MTA3: variants seen among roughly 807,000 people sequenced by gnomAD.
The protein encoded by MTA3 is metastasis associated 1 family member 3.
Under a neutral mutation model 83.5 loss-of-function variants are expected in MTA3, and 34 were observed. That is an observed-to-expected ratio of 0.41 (90% CI 0.31 to 0.54). The LOEUF (loss-of-function observed/expected upper bound fraction) is 0.54. Ranked by LOEUF, MTA3 falls within the 20% of genes least tolerant of loss-of-function variation. The pLI, the probability that MTA3 is intolerant of heterozygous loss-of-function variation, is 0.33. For missense variants in MTA3, 761 were observed against 726.4 expected (o/e 1.05, Z -0.55); for synonymous variants, 303 against 252.7 (o/e 1.20, Z -1.89).
At chr2:42,600,153 G>T (rs1489607479) in intron 3 of MTA3, among the ~76,000 whole-genome samples, 1 of 152,068 alleles carries the variant, frequency 6.6e-6, no homozygotes, top group Non-Finnish European at 1.5e-5. Flanking sequence ...AGCCAAGGTC[G>T]CGCCACTGCA....
chr2:42,621,064 C>G (rs571228779), intron 4 of MTA3, among the ~76,000 whole-genome samples: 31 of 133,904 alleles, frequency 2.3e-4, no homozygotes, highest in African/African-American at 8.2e-4. Flanking sequence ...AGTTATACCT[C>G]AGTAAAGCTA....
chr2:42,754,303 C>G lies in MTA3; in HGVS notation c.*904C>G. On this transcript the variant is annotated 3_prime_UTR_variant, in exon 17 of 17. Coordinates refer to ENST00000405094, the MANE Select transcript of MTA3 (RefSeq NM_001330442.2). ...TAGTTTCATTTTAAGCAGACAGACTCTGTTTGGCCTAGAGGTGTGGAGTGA... is the reference window on the plus strand; with the variant it reads ...TAGTTTCATTTTAAGCAGACAGACTGTGTTTGGCCTAGAGGTGTGGAGTGA... 4 of 985,480 alleles carry G rather than the reference C, an allele frequency of 4.1e-6. No homozygotes were observed. Among genetic ancestry groups the G allele is most frequent in the Non-Finnish European group, 4.8e-6 (4 of 829,962 alleles). The allele number at this position is 985,480 out of a possible 1,614,324, so 61.0% of individuals were successfully genotyped here.
intron 2 of MTA3, among the ~76,000 whole-genome samples, chr2:42,535,254 G>A (rs1676173969): frequency 6.6e-6 from 1 of 152,080 alleles, no homozygotes; most frequent in South Asian, 2.1e-4. Context: ...AGGCATGGTG[G>A]CACATGCCTG....
intron 16 of MTA3, among the ~76,000 whole-genome samples, chr2:42,748,296 C>T (rs1458124769): frequency 2.6e-5 from 4 of 151,352 alleles, no homozygotes; most frequent in African/African-American, 7.3e-5. Context: ...CATCTCCTGA[C>T]CTCATGATCC....
At chr2:42,568,810 C>A (rs746765651) in intron 1 of MTA3, 37 bp downstream of exon 1, 2 of 1,214,444 alleles carry the variant, frequency 1.6e-6, no homozygotes, top group South Asian at 8.3e-5. Context: ...CGTGTGGGAG[C>A]GGGTTCCGGG....
intron 2 of MTA3, among the ~76,000 whole-genome samples, chr2:42,548,860 A>T (rs867258626): frequency 0.038 from 234 of 6,228 alleles, 17 homozygotes; most frequent in African/African-American, 0.14. Context: ...TATATATATA[A>T]TATATATATA....
intron 2 of MTA3, among the ~76,000 whole-genome samples, chr2:42,504,165 G>C (rs1183230238): frequency 6.6e-6 from 1 of 152,024 alleles, no homozygotes; most frequent in Non-Finnish European, 1.5e-5. Context: ...CCTAACCTCA[G>C]GTGATCCATC....
chr2:42,681,279 A>T (rs1691878058), intron 8 of MTA3, among the ~76,000 whole-genome samples: 1 of 152,160 alleles, frequency 6.6e-6, no homozygotes, highest in Non-Finnish European at 1.5e-5. Context: ...TATTAAGATG[A>T]ATATGTAATT....
intron 3 of MTA3, among the ~76,000 whole-genome samples, chr2:42,594,699 A>AATATATATATATATATAT (rs1681490940): frequency 1.3e-5 from 1 of 74,546 alleles, no homozygotes; most frequent in South Asian, 6.7e-4. Context: ...TACATATATA[A>AATATATATATATATATAT]ATATACATAT....
intron 2 of MTA3, among the ~76,000 whole-genome samples, chr2:42,514,024 G>C (rs1471711194): frequency 6.6e-6 from 1 of 152,164 alleles, no homozygotes; most frequent in Non-Finnish European, 1.5e-5. Context: ...GACCAGCCTG[G>C]CCAACATAGT....
In MTA3 at chr2:42,606,249, C is replaced by T. The variant is rs555501747; in HGVS notation, c.191-3209C>T. ...GGGGTGGCTGCCGGGCGGAGACTCTCCTCACTTCCCAGATGGGGTGGCTGC... is the reference window on the plus strand; with the variant it reads ...GGGGTGGCTGCCGGGCGGAGACTCTTCTCACTTCCCAGATGGGGTGGCTGC... On this transcript the variant is annotated intron_variant, in intron 3 of 16. Coordinates refer to ENST00000405094, the MANE Select transcript of MTA3 (RefSeq NM_001330442.2). Among the ~76,000 whole-genome samples, 11 of 149,240 alleles carry T rather than the reference C, an allele frequency of 7.4e-5. No homozygotes were observed. The South Asian group carries it at 2.1e-3, about 29-fold the overall frequency.
In MTA3 at chr2:42,755,047, T is replaced by C. The variant is rs1163365957; in HGVS notation, c.*1648T>C. 1.0e-6 allele frequency: 1 copy of C among 985,450 alleles called. No individual in the cohort carries two copies. The highest frequency in any genetic ancestry group is 1.2e-6 in the Non-Finnish European group (1 of 830,088). 61.0% of individuals were successfully genotyped at this position (985,450 alleles called of 1,614,324 possible). A position where few individuals can be genotyped will look rare whatever the true frequency, so the allele number is the denominator to read the frequency against. On this transcript the variant is annotated 3_prime_UTR_variant, in exon 17 of 17. Coordinates refer to ENST00000405094, the MANE Select transcript of MTA3 (RefSeq NM_001330442.2). ...GGGTGGGGCCTGTGTCAGAAGCATT[T>C]GGTGAGAGGGGTGGAGGTGGCAGGC...
intron 13 of MTA3, among the ~76,000 whole-genome samples, chr2:42,708,584 A>C (rs774736891): frequency 1.2e-4 from 18 of 151,872 alleles, no homozygotes; most frequent in Non-Finnish European, 2.4e-4. Context: ...TCCTTAATTT[A>C]AAAAAAAGTG....
Position 42,656,205 on chromosome 2 carries a change from T to C in MTA3, c.505T>C (p.Ser169Pro). The C allele has an allele frequency of 6.2e-7, 1 of 1,612,378 alleles. No individual in the cohort carries two copies. The highest frequency in any genetic ancestry group is 8.5e-7 in the Non-Finnish European group (1 of 1,178,672). ...TTTTATTTATTTTTGGACAGGAGAA[T>C]CAGATGAGAGGGAACAATCAAAATT... is the stretch of plus-strand genomic sequence containing the variant. ...DIPEMLLEGE[S>P]DEREQSKLEV... The change falls in exon 7 of 17, where the codon TCA (serine) becomes CCA (proline). Residue 169 changes from serine (S) to proline (P), a missense_variant. Transcript: ENST00000405094.
intron 8 of MTA3, among the ~76,000 whole-genome samples, chr2:42,682,091 C>T (rs1490062848): frequency 6.6e-6 from 1 of 151,862 alleles, no homozygotes; most frequent in Non-Finnish European, 1.5e-5. Context: ...ACCTGTGGTC[C>T]TAGTTACTCA....
intron 8 of MTA3, among the ~76,000 whole-genome samples, chr2:42,676,329 AG>A (rs1263709339): frequency 6.6e-6 from 1 of 152,260 alleles, no homozygotes; most frequent in Non-Finnish European, 1.5e-5. Context: ...CATTTAAAAA[AG>A]TATCCATAAG....
At chr2:42,687,584 G>T (rs575452369) in intron 9 of MTA3, among the ~76,000 whole-genome samples, 1 of 152,292 alleles carries the variant, frequency 6.6e-6, no homozygotes, top group Non-Finnish European at 1.5e-5. Flanking sequence ...CCGTGGGGTT[G>T]CTGGGTCTTA....
At chr2:42,655,373 C>T (rs139578618) in intron 6 of MTA3, among the ~76,000 whole-genome samples, 2 of 152,258 alleles carry the variant, frequency 1.3e-5, no homozygotes, top group African/African-American at 4.8e-5. Context: ...TGACTTTGTT[C>T]ATGTTCTCAT....
intron 10 of MTA3, 83 bp downstream of exon 10, chr2:42,695,922 T>A: frequency 5.7e-6 from 5 of 869,938 alleles, no homozygotes; most frequent in South Asian, 1.8e-5. Flanking sequence ...GGCGATGTAC[T>A]ACTTTTAAAT....
Sources: allele counts gnomAD v4.1 joint callset (sites outside exome capture counted in the v4.1 genomes callset), GRCh38; gene constraint gnomAD v4.1.1; transcripts MANE v1.5; gene names NCBI Gene and HGNC (gene_info 2026-07-23, HGNC 2026-07-21).